The following TMED2 variants were observed in gnomAD, a reference collection of about 807,000 sequenced individuals.
TMED2 encodes transmembrane p24 trafficking protein 2, also known as transmembrane emp24 domain-containing protein 2.
A neutral mutation model predicts 17.5 loss-of-function variants in TMED2; 3 were observed. The observed-to-expected ratio is 0.17, with a 90% CI of 0.08 to 0.44. The LOEUF (loss-of-function observed/expected upper bound fraction) is 0.44. TMED2 is among the 20% of genes least tolerant of loss of function. The pLI, the probability that TMED2 is intolerant of heterozygous loss-of-function variation, is 0.99. For synonymous variants in TMED2, 95 were observed against 91.0 expected, an observed-to-expected ratio of 1.04 and a Z score of -0.25; for missense variants, 149 against 254.8, an observed-to-expected ratio of 0.58 and a Z score of 2.83.
intron 3 of TMED2, among the ~76,000 whole-genome samples, chr12:123,593,269 T>C (rs1266773164): frequency 6.6e-6 from 1 of 152,000 alleles, no homozygotes. Flanking sequence ...TTGTTTTTTT[T>C]TTAGACGGAG....
chr12:123,584,573 CGG>C lies in TMED2; in HGVS notation c.-63_-62del. ...GGCTGAGAAGGCAGCGGGGCGGCGGCGGCGGCGGCGGCGGCGGCTGTGGAGGC... is the reference window on the plus strand; with the variant it reads ...GGCTGAGAAGGCAGCGGGGCGGCGGCCGGCGGCGGCGGCGGCTGTGGAGGC... On this transcript the variant is annotated 5_prime_UTR_variant, in exon 1 of 4. Coordinates refer to ENST00000262225, the MANE Select transcript of TMED2 (RefSeq NM_006815.4). The C allele has an allele frequency of 5.3e-6, 8 of 1,513,366 alleles. No individual in the cohort carries two copies. Among genetic ancestry groups the C allele is most frequent in the Non-Finnish European group, 7.1e-6 (8 of 1,123,722 alleles). 93.7% of individuals were successfully genotyped at this position (1,513,366 alleles called of 1,614,324 possible).
chr12:123,595,405 A>T (rs1364187476), intron 3 of TMED2, among the ~76,000 whole-genome samples: 1 of 152,162 alleles, frequency 6.6e-6, no homozygotes, highest in Non-Finnish European at 1.5e-5. Flanking sequence ...GTCAGTATGG[A>T]TCCATATAAC....
Position 123,596,632 on chromosome 12 carries a change from T to G in TMED2, c.509T>G (p.Val170Gly). ...AACGACAACACAAACAGCAGAGTGGTCCTTTGGTCCTTCTTTGAAGCTCTT... is the reference window on the plus strand; with the variant it reads ...AACGACAACACAAACAGCAGAGTGGGCCTTTGGTCCTTCTTTGAAGCTCTT... ...AINDNTNSRVVLWSFFEALVL... is the reference protein window; with the variant it reads ...AINDNTNSRVGLWSFFEALVL... The change falls in exon 4 of 4, where the codon GTC becomes GGC. Residue 170 changes from valine (V) to glycine (G), a missense_variant. Transcript: ENST00000262225. 6.2e-7 allele frequency: 1 copy of G among 1,611,420 alleles called. No homozygotes were observed. The highest frequency in any genetic ancestry group is 8.5e-7 in the Non-Finnish European group (1 of 1,179,126).
chr12:123,590,493 G>A, intron 3 of TMED2, 44 bp downstream of exon 3: 1 of 1,474,262 alleles, frequency 6.8e-7, no homozygotes, highest in Non-Finnish European at 9.2e-7. Flanking sequence ...GATGGTGAAG[G>A]TTGTTTTACT....
chr12:123,594,473 G>A lies in TMED2; in HGVS notation c.482-2132G>A, dbSNP rs544318188. On this transcript the variant is annotated intron_variant, in intron 3 of 3. Coordinates refer to ENST00000262225, the MANE Select transcript of TMED2 (RefSeq NM_006815.4). ...AAGCTAAGGCTATAGAATTTGACTGGAGAGTTGGACACAATGGCTTGTGCC... is the reference window on the plus strand; with the variant it reads ...AAGCTAAGGCTATAGAATTTGACTGAAGAGTTGGACACAATGGCTTGTGCC... 6.6e-5 allele frequency among the ~76,000 whole-genome samples: 10 copies of A among 152,280 alleles called. No individual in the cohort carries two copies. In the East Asian group the frequency reaches 9.6e-4, roughly 15 times the overall value.
chr12:123,592,459 G>T (rs546553235), intron 3 of TMED2, among the ~76,000 whole-genome samples: 10 of 152,182 alleles, frequency 6.6e-5, no homozygotes, highest in African/African-American at 2.2e-4. Context: ...CCGTCTTTAG[G>T]GTGTCCAACC....
In TMED2 at chr12:123,596,658, G is replaced by A; in HGVS notation, c.535G>A (p.Val179Ile). The A allele has an allele frequency of 6.2e-7, 1 of 1,611,838 alleles. No homozygotes were observed. Residue 179 changes from valine to isoleucine, a missense_variant, in exon 4 of 4, where the codon GTT becomes ATT. Transcript: ENST00000262225. The part of the protein sequence containing the change: ...VVLWSFFEAL[V>I]LVAMTLGQIY... ...CCTTTGGTCCTTCTTTGAAGCTCTT[G>A]TTCTAGTTGCCATGACATTGGGACA...
chr12:123,590,584 C>T (rs951565220), intron 3 of TMED2, 135 bp downstream of exon 3: 3 of 591,072 alleles, frequency 5.1e-6, no homozygotes, highest in East Asian at 3.5e-5. Context: ...TGTACCTACA[C>T]GAGATATTTT....
chr12:123,587,627 G>T, intron 2 of TMED2: 1 of 1,280,160 alleles, frequency 7.8e-7, no homozygotes, highest in South Asian at 1.3e-5. Flanking sequence ...GAGATACCTG[G>T]GATGGTATGT....
Position 123,584,591 on chromosome 12 carries a change from C to T in TMED2, c.-46C>T, listed in dbSNP as rs749920068. 2.6e-6 allele frequency: 4 copies of T among 1,518,446 alleles called. No homozygotes were observed. The highest frequency in any genetic ancestry group is 3.6e-6 in the Non-Finnish European group (4 of 1,120,968). 94.1% of individuals were successfully genotyped at this position (1,518,446 alleles called of 1,614,324 possible). A position where few individuals can be genotyped will look rare whatever the true frequency, so the allele number is the denominator to read the frequency against. ...GCGGCGGCGGCGGCGGCGGCGGCGG[C>T]TGTGGAGGCCGCAGTCCGGGTCCTG... On this transcript the variant is annotated 5_prime_UTR_variant, in exon 1 of 4. Transcript: ENST00000262225.
At chr12:123,587,670 T>C (rs1267675415) in intron 2 of TMED2, 1 of 1,265,568 alleles carries the variant, frequency 7.9e-7, no homozygotes, top group Non-Finnish European at 1.0e-6. Flanking sequence ...TTTTTGCATC[T>C]TTTTGTTTGC....
chr12:123,596,842 T>TA lies in TMED2; in HGVS notation c.*114dup. ...TTTTCTGAACTGTACATTCACAACTTATGTTTCTTTGAGATTAATAGATAT... is the reference window on the plus strand; with the variant it reads ...TTTTCTGAACTGTACATTCACAACTTAATGTTTCTTTGAGATTAATAGATAT... On this transcript the variant is annotated 3_prime_UTR_variant, in exon 4 of 4. Transcript: ENST00000262225. 7.8e-7 allele frequency: 1 copy of TA among 1,286,788 alleles called. No homozygotes were observed. The highest frequency in any genetic ancestry group is 1.0e-6 in the Non-Finnish European group (1 of 984,380). 79.7% of individuals were successfully genotyped at this position (1,286,788 alleles called of 1,614,324 possible). A position where few individuals can be genotyped will look rare whatever the true frequency, so the allele number is the denominator to read the frequency against.
In TMED2 at chr12:123,598,502, C is replaced by G. The variant is rs1361299054; in HGVS notation, c.*1773C>G. ...AAAGAGTGAAAGGTGGAACCGGAGA[C>G]TAGATCACCACCTGTAGAAACTGTT... is the stretch of plus-strand genomic sequence containing the variant. On this transcript the variant is annotated 3_prime_UTR_variant, in exon 4 of 4. Coordinates refer to ENST00000262225, the MANE Select transcript of TMED2 (RefSeq NM_006815.4). The G allele has an allele frequency of 6.6e-6, 1 of 152,204 alleles. No homozygotes were observed. Among genetic ancestry groups the G allele is most frequent in the African/African-American group, 2.4e-5 (1 of 41,446 alleles). The allele number at this position is 152,204 out of a possible 1,614,324, so 9.4% of individuals were successfully genotyped here.
At chr12:123,585,454 G>C (rs931110085) in intron 1 of TMED2, 1 of 152,224 alleles carries the variant, frequency 6.6e-6, no homozygotes, top group African/African-American at 2.4e-5. Flanking sequence ...GAAGTATCAG[G>C]AGAAGACAGG....
At chr12:123,596,041 G>T (rs1224183124) in intron 3 of TMED2, among the ~76,000 whole-genome samples, 1 of 152,186 alleles carries the variant, frequency 6.6e-6, no homozygotes, top group Non-Finnish European at 1.5e-5. Context: ...TTTGGAGTAT[G>T]TTGAGTTGCT....
intron 3 of TMED2, among the ~76,000 whole-genome samples, chr12:123,595,098 G>C (rs1034862746): frequency 2.0e-4 from 30 of 150,298 alleles, no homozygotes; most frequent in African/African-American, 6.9e-4. Flanking sequence ...GCATGGGGGT[G>C]TGCACGTGTA....
At chr12:123,587,114 A>G (rs1438327499) in intron 2 of TMED2, among the ~76,000 whole-genome samples, 175 bp downstream of exon 2, 1 of 152,014 alleles carries the variant, frequency 6.6e-6, no homozygotes, top group East Asian at 1.9e-4. Context: ...AAGTTTCTTG[A>G]GGCTAGTGTT....
intron 1 of TMED2, 200 bp from the exon 2 acceptor site, chr12:123,586,547 A>C (rs1271317847): frequency 2.9e-6 from 1 of 341,644 alleles, no homozygotes; most frequent in African/African-American, 2.1e-5. Context: ...ACGGAGTTTT[A>C]CCATGTTGGC....
Position 123,596,747 on chromosome 12 carries a change from A to G in TMED2, c.*18A>G. The stretch of plus-strand genomic sequence containing the variant: ...TTGTTTAAAAAGCCTCTTCCTGATG[A>G]TCCCAACTCAGAATTCACTGTTTAC... On this transcript the variant is annotated 3_prime_UTR_variant, in exon 4 of 4. Coordinates refer to ENST00000262225, the MANE Select transcript of TMED2 (RefSeq NM_006815.4). The G allele has an allele frequency of 1.3e-6, 2 of 1,587,084 alleles. No homozygotes were observed. Among genetic ancestry groups the G allele is most frequent in the Non-Finnish European group, 1.7e-6 (2 of 1,169,842 alleles).
Sources: gnomAD v4.1 joint callset for allele counts (sites outside exome capture counted in the v4.1 genomes callset) on GRCh38, gnomAD v4.1.1 for gene constraint, MANE v1.5 for transcripts, NCBI Gene and HGNC (gene_info 2026-07-23, HGNC 2026-07-21) for gene names.